Variants in GRIA1 observed in about 807,000 individuals in gnomAD.
The protein encoded by GRIA1 is glutamate ionotropic receptor AMPA type subunit 1.
GRIA1 carries 31 observed loss-of-function variants against 99.2 expected under a neutral mutation model. That is an observed-to-expected ratio of 0.31 (90% CI 0.23 to 0.42). The LOEUF (loss-of-function observed/expected upper bound fraction) is 0.42, where lower values mean the gene tolerates loss of function less well. Among genes scored for constraint, GRIA1 ranks in the 10% least tolerant of loss-of-function variants. The pLI, the probability that GRIA1 is intolerant of heterozygous loss-of-function variation, is 1.00. For missense variants in GRIA1, 782 were observed against 1,157.5 expected, an observed-to-expected ratio of 0.68 and a Z score of 4.71; for synonymous variants, 438 against 432.4, an observed-to-expected ratio of 1.01 and a Z score of -0.16.
chr5:153,646,226 A>G (rs575602468), intron 2 of GRIA1, among the ~76,000 whole-genome samples: 1 of 152,318 alleles, frequency 6.6e-6, no homozygotes, highest in Admixed American at 6.5e-5. Flanking sequence ...GGGTCTGAAA[A>G]TCAGCTAGCA....
At chr5:153,527,972 A>G (rs990164866) in intron 2 of GRIA1, among the ~76,000 whole-genome samples, 3 of 152,206 alleles carry the variant, frequency 2.0e-5, no homozygotes, top group Non-Finnish European at 4.4e-5. Flanking sequence ...ATTACCAACC[A>G]TAGTTATATA....
At chr5:153,549,504 C>T (rs950431218) in intron 2 of GRIA1, among the ~76,000 whole-genome samples, 10 of 152,030 alleles carry the variant, frequency 6.6e-5, no homozygotes, top group African/African-American at 2.4e-4. Context: ...GAAGAAAGGT[C>T]CTCTAGACTT....
chr5:153,509,665 T>A (rs557329276), intron 2 of GRIA1, among the ~76,000 whole-genome samples: 1 of 152,208 alleles, frequency 6.6e-6, no homozygotes, highest in Non-Finnish European at 1.5e-5. Flanking sequence ...ATTTTGGATC[T>A]TGTGTGATCT....
intron 11 of GRIA1, among the ~76,000 whole-genome samples, chr5:153,739,741 T>C (rs552362083): frequency 5.3e-5 from 8 of 152,318 alleles, no homozygotes; most frequent in African/African-American, 1.9e-4. Flanking sequence ...GGCTTTCCTT[T>C]CTCACTTAAA....
At chr5:153,503,653 G>A (rs547851597) in intron 2 of GRIA1, among the ~76,000 whole-genome samples, 1 of 152,332 alleles carries the variant, frequency 6.6e-6, no homozygotes, top group South Asian at 2.1e-4. Flanking sequence ...GCTATGCTAA[G>A]TCTGAAAGCA....
chr5:153,623,133 G>T (rs1767223634), intron 2 of GRIA1, among the ~76,000 whole-genome samples: 1 of 152,130 alleles, frequency 6.6e-6, no homozygotes, highest in Admixed American at 6.5e-5. Flanking sequence ...CAGAAAATGG[G>T]TTTTATCAAG....
At chr5:153,606,360 T>G (rs1765434601) in intron 2 of GRIA1, among the ~76,000 whole-genome samples, 1 of 152,120 alleles carries the variant, frequency 6.6e-6, no homozygotes, top group African/African-American at 2.4e-5. Flanking sequence ...TTCCCCTTTT[T>G]CAAAATTGTT....
intron 2 of GRIA1, among the ~76,000 whole-genome samples, chr5:153,585,560 C>T (rs1202378221): frequency 2.0e-5 from 3 of 152,184 alleles, no homozygotes; most frequent in East Asian, 1.9e-4. Context: ...CCGCCCTCCT[C>T]GGCCTCCCAA....
At chr5:153,698,023 C>T (rs779714518) in intron 8 of GRIA1, 21 bp from the exon 9 acceptor site, 6 of 1,396,714 alleles carry the variant, frequency 4.3e-6, no homozygotes, top group Non-Finnish European at 6.1e-6. Context: ...CCTGACACCT[C>T]CACTCTCTTC....
In GRIA1 at chr5:153,690,603, C is replaced by T. The variant is rs112815599; in HGVS notation, c.1134+4274C>T. Among the ~76,000 whole-genome samples the T allele has an allele frequency of 9.3e-3, 1,409 of 152,254 alleles. 23 individuals are homozygous for T. The highest frequency in any genetic ancestry group is 0.03 in the African/African-American group (1,249 of 41,558). On this transcript the variant is annotated intron_variant, in intron 8 of 15. Transcript: ENST00000285900. The stretch of plus-strand genomic sequence containing the variant: ...TTACTTGTTTGTACTTTTAAACTCC[C>T]TTCTATAGGCCACAGGGATTTTATA...
chr5:153,542,956 T>G (rs1759264236), intron 2 of GRIA1, among the ~76,000 whole-genome samples: 1 of 152,270 alleles, frequency 6.6e-6, no homozygotes, highest in Admixed American at 6.5e-5. Flanking sequence ...AACCAGGGTT[T>G]GGCTGTCATC....
intron 2 of GRIA1, among the ~76,000 whole-genome samples, chr5:153,554,737 G>T (rs1450639567): frequency 6.6e-6 from 1 of 152,092 alleles, no homozygotes; most frequent in African/African-American, 2.4e-5. Flanking sequence ...CACATGATCT[G>T]CCCACCTCAG....
chr5:153,561,216 T>C (rs969245984), intron 2 of GRIA1, among the ~76,000 whole-genome samples: 9 of 152,190 alleles, frequency 5.9e-5, no homozygotes, highest in Admixed American at 5.9e-4. Context: ...CTCTAGTATC[T>C]TCTCTGTGCC....
chr5:153,633,910 G>C (rs755377533), intron 2 of GRIA1, among the ~76,000 whole-genome samples: 31 of 152,150 alleles, frequency 2.0e-4, no homozygotes, highest in Non-Finnish European at 3.7e-4. Flanking sequence ...AAATAAACAT[G>C]ATTCTTGCCC....
chr5:153,766,197 G>T (rs1314727160), intron 12 of GRIA1, among the ~76,000 whole-genome samples: 1 of 152,132 alleles, frequency 6.6e-6, no homozygotes, highest in East Asian at 1.9e-4. Context: ...TGCCTTAGAG[G>T]TCACCTAGTC....
At chr5:153,737,951 C>T (rs1039996206) in intron 11 of GRIA1, among the ~76,000 whole-genome samples, 1 of 152,090 alleles carries the variant, frequency 6.6e-6, no homozygotes, top group African/African-American at 2.4e-5. Context: ...ATTTCCGTTG[C>T]TAATTTAAAA....
At chr5:153,776,236 G>A (rs1464394927) in intron 13 of GRIA1, among the ~76,000 whole-genome samples, 2 of 152,168 alleles carry the variant, frequency 1.3e-5, no homozygotes, top group Non-Finnish European at 2.9e-5. Context: ...GCAGACACTT[G>A]GGAGAAGTGG....
At chr5:153,548,992 G>A (rs140936713) in intron 2 of GRIA1, among the ~76,000 whole-genome samples, 3 of 152,236 alleles carry the variant, frequency 2.0e-5, no homozygotes, top group African/African-American at 7.2e-5. Context: ...TTTATTGGAT[G>A]TTTAGGATGT....
chr5:153,559,234 G>C (rs1760912108), intron 2 of GRIA1, among the ~76,000 whole-genome samples: 1 of 152,258 alleles, frequency 6.6e-6, no homozygotes, highest in African/African-American at 2.4e-5. Flanking sequence ...GACCTTCCCT[G>C]CTTCCTGCAG....
Sources: allele counts gnomAD v4.1 joint callset (sites outside exome capture counted in the v4.1 genomes callset), GRCh38; gene constraint gnomAD v4.1.1; transcripts MANE v1.5; gene names NCBI Gene and HGNC (gene_info 2026-07-23, HGNC 2026-07-21).